The following MRTFB variants were observed in gnomAD, a reference collection of about 807,000 sequenced individuals.
MRTFB encodes the protein myocardin related transcription factor B, also known as myocardin-related transcription factor B.
MRTFB carries 29 observed loss-of-function variants against 104.2 expected under a neutral mutation model. That is an observed-to-expected ratio of 0.28 (90% confidence interval 0.21 to 0.38). The LOEUF (loss-of-function observed/expected upper bound fraction) is 0.38, where lower values mean the gene tolerates loss of function less well. Ranked by LOEUF, MRTFB falls within the 10% of genes least tolerant of loss-of-function variation. MRTFB has a pLI of 1.00. For synonymous variants in MRTFB, 535 were observed against 519.5 expected, an observed-to-expected ratio of 1.03 and a Z score of -0.41; for missense variants, 1,270 against 1,341.6, an observed-to-expected ratio of 0.95 and a Z score of 0.83.
intron 2 of MRTFB, among the ~76,000 whole-genome samples, chr16:14,091,636 T>G (rs2035070674): frequency 1.3e-5 from 2 of 152,070 alleles, no homozygotes; most frequent in South Asian, 4.2e-4. Flanking sequence ...TCTGTGCACG[T>G]CCACTCTAGG....
At chr16:14,070,106 C>T (rs562706678), upstream of MRTFB, among the ~76,000 whole-genome samples, 30 of 152,170 alleles carry the variant, frequency 2.0e-4, no homozygotes, top group Non-Finnish European at 3.4e-4. Context: ...CCCATGCAGA[C>T]GCTGTTGCAG....
At chr16:14,075,539 GTC>G (rs1475895017) in intron 1 of MRTFB, among the ~76,000 whole-genome samples, 1 of 152,194 alleles carries the variant, frequency 6.6e-6, no homozygotes, top group Non-Finnish European at 1.5e-5. Context: ...CTCCTCCAGG[GTC>G]TCTCTCTGAT....
chr16:14,081,855 A>C (rs1290738398), intron 2 of MRTFB, among the ~76,000 whole-genome samples: 1 of 152,154 alleles, frequency 6.6e-6, no homozygotes, highest in East Asian at 1.9e-4. Flanking sequence ...TGCTGGGATT[A>C]TAGGTGTGAG....
At chr16:14,206,225 G>A (rs28562925) in intron 3 of MRTFB, among the ~76,000 whole-genome samples, 7,997 of 152,232 alleles carry the variant, frequency 0.053, 657 homozygotes, top group African/African-American at 0.17. Flanking sequence ...CTGGTCCTCT[G>A]TTTTCAGGGT....
At chr16:14,028,551 A>T in the MRTFB span, among the ~76,000 whole-genome samples, 1 of 152,160 alleles carries the variant, frequency 6.6e-6, no homozygotes, top group East Asian at 1.9e-4. Flanking sequence ...CACTGGGGAC[A>T]TGGGGCCCCT....
At chr16:14,251,521 A>C (rs1244619169) in intron 13 of MRTFB, among the ~76,000 whole-genome samples, 1 of 152,218 alleles carries the variant, frequency 6.6e-6, no homozygotes, top group Non-Finnish European at 1.5e-5. Flanking sequence ...CCACCATCAA[A>C]GGCAAGTTAC....
chr16:14,099,562 A>G (rs936832664), intron 2 of MRTFB, among the ~76,000 whole-genome samples: 2 of 151,256 alleles, frequency 1.3e-5, no homozygotes, highest in Non-Finnish European at 2.9e-5. Flanking sequence ...ACAGGGTTTC[A>G]CCCTGTTGGC....
the MRTFB span, among the ~76,000 whole-genome samples, chr16:14,006,389 G>A: frequency 5.7e-4 from 87 of 151,736 alleles, 1 homozygote; most frequent in African/African-American, 1.7e-3. Flanking sequence ...GGTAGCACGC[G>A]CCTGTAATCA....
At chr16:14,221,619 A>G (rs904957327) in intron 8 of MRTFB, among the ~76,000 whole-genome samples, 2 of 152,210 alleles carry the variant, frequency 1.3e-5, no homozygotes, top group African/African-American at 4.8e-5. Context: ...TAAAAGAGCA[A>G]CATACACGTC....
chr16:14,046,081 C>T, the MRTFB span, among the ~76,000 whole-genome samples: 1 of 152,100 alleles, frequency 6.6e-6, no homozygotes, highest in African/African-American at 2.4e-5. Context: ...CTGTGGGGTC[C>T]CTTGGAATCA....
chr16:14,243,555 T>G (rs1209733937), intron 10 of MRTFB, among the ~76,000 whole-genome samples: 2 of 152,152 alleles, frequency 1.3e-5, no homozygotes, highest in Non-Finnish European at 2.9e-5. Flanking sequence ...AGTATCACAG[T>G]TGGAAGATGT....
chr16:14,187,427 G>A (rs2039996031), intron 3 of MRTFB, among the ~76,000 whole-genome samples: 1 of 152,040 alleles, frequency 6.6e-6, no homozygotes. Context: ...ATAATTCCAG[G>A]AAAATTCATT....
intron 3 of MRTFB, among the ~76,000 whole-genome samples, chr16:14,210,022 A>C (rs1445027245): frequency 6.6e-6 from 1 of 152,258 alleles, no homozygotes; most frequent in Non-Finnish European, 1.5e-5. Context: ...AATAGGATAA[A>C]CCAAAAAATT....
intron 3 of MRTFB, chr16:14,142,841 A>G (rs1400932343): frequency 6.6e-6 from 1 of 152,220 alleles, no homozygotes; most frequent in South Asian, 2.1e-4. Flanking sequence ...TAAGGTGGCA[A>G]GCCCAAATAT....
Position 14,247,515 on chromosome 16 carries a change from G to C in MRTFB, c.2247+8G>C. 1 of 1,539,490 alleles carries C rather than the reference G, an allele frequency of 6.5e-7. No homozygotes were observed. The highest frequency in any genetic ancestry group is 2.4e-5 in the East Asian group (1 of 41,312). ...GGCAGCCTCAAACTCCAGGTGTGAA[G>C]TGTGTCTTCTAACTACTTTGCCTTA... On this transcript the variant is annotated splice_region_variant and intron_variant, in intron 12 of 16. Coordinates refer to ENST00000571589, the MANE Select transcript of MRTFB (RefSeq NM_001308142.2).
At chr16:14,142,062 A>C (rs1382198171) in intron 3 of MRTFB, 1 of 151,488 alleles carries the variant, frequency 6.6e-6, no homozygotes, top group African/African-American at 2.4e-5. Flanking sequence ...GCTGGTCTCG[A>C]ATTTCTGACC....
At chr16:14,203,738 A>G (rs2040816649) in intron 3 of MRTFB, among the ~76,000 whole-genome samples, 2 of 136,836 alleles carry the variant, frequency 1.5e-5, no homozygotes, top group South Asian at 5.2e-4. Flanking sequence ...CAGGAGACAG[A>G]GGTTGCAGGG....
chr16:14,194,923 C>T (rs1487737363), intron 3 of MRTFB, among the ~76,000 whole-genome samples: 2 of 152,114 alleles, frequency 1.3e-5, no homozygotes, highest in East Asian at 3.9e-4. Flanking sequence ...CACATTAAAG[C>T]TCCGTTTGAC....
intron 3 of MRTFB, among the ~76,000 whole-genome samples, chr16:14,203,164 T>G (rs1373714868): frequency 1.3e-5 from 2 of 152,004 alleles, no homozygotes; most frequent in Non-Finnish European, 2.9e-5. Flanking sequence ...TCACTCCTCA[T>G]GATCCTAAAG....
Sources: allele counts gnomAD v4.1 joint callset (sites outside exome capture counted in the v4.1 genomes callset), GRCh38; gene constraint gnomAD v4.1.1; transcripts MANE v1.5; gene names NCBI Gene and HGNC (gene_info 2026-07-23, HGNC 2026-07-21).